The following ZCCHC14 variants were observed in gnomAD, a reference collection of about 807,000 sequenced individuals.
ZCCHC14 encodes the protein zinc finger CCHC domain-containing protein 14.
A neutral mutation model predicts 85.0 loss-of-function variants in ZCCHC14; 16 were observed. The ratio of observed to expected loss-of-function variants is 0.19; its 90% CI spans 0.13 to 0.29. The LOEUF (loss-of-function observed/expected upper bound fraction) is 0.29, where lower values mean the gene tolerates loss of function less well. Among genes scored for constraint, ZCCHC14 ranks in the 10% least tolerant of loss-of-function variants. The pLI is 1.00. For missense variants in ZCCHC14, 1,303 were observed against 1,443.5 expected (o/e 0.90, Z 1.58); for synonymous variants, 775 against 630.7 (o/e 1.23, Z -3.43).
chr16:87,431,467 T>C (rs1332157285), intron 3 of ZCCHC14, among the ~76,000 whole-genome samples: 9 of 134,608 alleles, frequency 6.7e-5, no homozygotes, highest in African/African-American at 2.7e-4. Flanking sequence ...AGCAAGGCTC[T>C]GTCTGAAAAA....
At chr16:87,415,552 C>T (rs367586448) in intron 8 of ZCCHC14, among the ~76,000 whole-genome samples, 185 bp from the exon 9 acceptor site, 6 of 152,212 alleles carry the variant, frequency 3.9e-5, no homozygotes, top group African/African-American at 1.4e-4. Flanking sequence ...TTGGTGTCAA[C>T]GGTTCAACTC....
chr16:87,434,990 C>CA (rs35789742), intron 2 of ZCCHC14, among the ~76,000 whole-genome samples: 25 of 74,348 alleles, frequency 3.4e-4, no homozygotes, highest in East Asian at 2.9e-3. Context: ...GACTTCGCCT[C>CA]AAAAAAAAAA....
intron 7 of ZCCHC14, 39 bp from the exon 8 acceptor site, chr16:87,417,781 G>T: frequency 6.6e-7 from 1 of 1,525,744 alleles, no homozygotes; most frequent in South Asian, 1.3e-5. Flanking sequence ...AGAGACTGTG[G>T]CTTCCACAAC....
intron 1 of ZCCHC14, among the ~76,000 whole-genome samples, chr16:87,484,687 A>C (rs1019715723): frequency 6.6e-6 from 1 of 152,158 alleles, no homozygotes; most frequent in African/African-American, 2.4e-5. Flanking sequence ...CTGCTCAGGG[A>C]GGCCTCAGTG....
intron 2 of ZCCHC14, among the ~76,000 whole-genome samples, chr16:87,453,152 T>G (rs1910786570): frequency 6.6e-6 from 1 of 152,030 alleles, no homozygotes; most frequent in Non-Finnish European, 1.5e-5. Flanking sequence ...AGGAAGGGGG[T>G]GCTCCTGGGG....
chr16:87,478,526 T>G (rs145882625), intron 1 of ZCCHC14, among the ~76,000 whole-genome samples: 2,537 of 152,298 alleles, frequency 0.017, 25 homozygotes, highest in Middle Eastern at 0.048. Context: ...TATCTATTTG[T>G]GTCCGGGTAG....
Position 87,417,732 on chromosome 16 carries a change from C to A in ZCCHC14, c.1111G>T (p.Gly371Ter). Residue 371 changes from glycine (G) to a stop codon, truncating the protein, a stop_gained, in exon 8 of 13, where the codon GGA becomes TGA. Coordinates refer to ENST00000671377, the MANE Select transcript of ZCCHC14 (RefSeq NM_015144.3). LOFTEE classifies it high-confidence loss of function. ...VMGVSGRPVC[G>*]VAGIPSSQSG... is the part of the protein sequence containing the mutation. ...TGCGAGGACGGGATACCAGCCACTC[C>A]ACACACAGGCCTGTGGGACAGGGGC... 1 of 1,594,380 alleles carries A rather than the reference C, an allele frequency of 6.3e-7. No homozygotes were observed. The highest frequency in any genetic ancestry group is 8.5e-7 in the Non-Finnish European group (1 of 1,171,940).
chr16:87,415,318 A>G lies in ZCCHC14; in HGVS notation c.1433T>C (p.Met478Thr). 6.2e-7 allele frequency: 1 copy of G among 1,613,978 alleles called. No homozygotes were observed. Among genetic ancestry groups the G allele is most frequent in the Non-Finnish European group, 8.5e-7 (1 of 1,179,984 alleles). The change falls in exon 9 of 13, where the codon ATG (methionine) becomes ACG (threonine). Residue 478 changes from methionine to threonine, a missense_variant. Physicochemically the swap from Met to Thr is moderately conservative, Grantham distance 81. Transcript: ENST00000671377. The part of the protein sequence containing the change: ...EDLNKFESLT[M>T]GAKKKLKTQL... ...GGTCTTGAGCTTCTTCTTTGCCCCC[A>G]TGGTAAGAGACTCAAATTTATTCAG...
In ZCCHC14 at chr16:87,411,891, C is replaced by T. The variant is rs1309191284; in HGVS notation, c.2830G>A (p.Ala944Thr). 18 of 1,596,934 alleles carry T rather than the reference C, an allele frequency of 1.1e-5. No homozygotes were observed. The highest frequency in any genetic ancestry group is 5.6e-5 in the South Asian group (5 of 89,334). The change falls in exon 12 of 13, where the codon GCC becomes ACC. Residue 944 changes from alanine (A) to threonine (T), a missense_variant. Ala to Thr is a moderately conservative substitution (Grantham distance 58, BLOSUM62 0). Coordinates refer to ENST00000671377, the MANE Select transcript of ZCCHC14 (RefSeq NM_015144.3). ...CGSSGLTVSY[A>T]NYFQHPFSGP... ...GAGAACGGGTGCTGGAAGTAGTTGG[C>T]GTAGCTGACAGTCAGGCCACTCGAG...
intron 1 of ZCCHC14, among the ~76,000 whole-genome samples, chr16:87,462,509 G>A (rs1461684551): frequency 2.0e-5 from 3 of 152,122 alleles, no homozygotes; most frequent in African/African-American, 7.2e-5. Flanking sequence ...GGGAGGCCGA[G>A]GCAGGTGGAT....
intron 1 of ZCCHC14, among the ~76,000 whole-genome samples, chr16:87,461,298 C>T (rs1006231859): frequency 6.6e-6 from 1 of 152,248 alleles, no homozygotes; most frequent in African/African-American, 2.4e-5. Context: ...CAATAACCTT[C>T]ATTCCCTCCC....
intron 8 of ZCCHC14, among the ~76,000 whole-genome samples, chr16:87,416,123 A>C (rs1412846889): frequency 6.6e-6 from 1 of 151,884 alleles, no homozygotes; most frequent in Non-Finnish European, 1.5e-5. Context: ...ACGGGGTTTC[A>C]CCATCTTGGC....
chr16:87,483,137 T>C (rs1313817522), intron 1 of ZCCHC14, among the ~76,000 whole-genome samples: 3 of 150,980 alleles, frequency 2.0e-5, no homozygotes, highest in Non-Finnish European at 4.4e-5. Flanking sequence ...CTAAAGACAA[T>C]GCCTTGAAAC....
intron 1 of ZCCHC14, among the ~76,000 whole-genome samples, chr16:87,475,611 G>C (rs1055220307): frequency 7.1e-6 from 1 of 140,136 alleles, no homozygotes; most frequent in Non-Finnish European, 1.5e-5. Context: ...ATTTCTAAAC[G>C]AAGAAAAATC....
chr16:87,460,607 T>C (rs997694301), intron 1 of ZCCHC14, among the ~76,000 whole-genome samples: 1 of 152,068 alleles, frequency 6.6e-6, no homozygotes, highest in Non-Finnish European at 1.5e-5. Flanking sequence ...GGAGGATCAC[T>C]TGAACCCAGG....
rs568466701 is a variant in ZCCHC14 at position 87,431,348 on chromosome 16, C to T, written c.768+1780G>A. On this transcript the variant is annotated intron_variant, in intron 3 of 12. Transcript: ENST00000671377. Reference sequence around the variant, plus strand: ...ATTAGCTGGGCATGGTGGCGGGCACCTGTAGTCCCAGCTACTCAGGAGGCT... The same window carrying T: ...ATTAGCTGGGCATGGTGGCGGGCACTTGTAGTCCCAGCTACTCAGGAGGCT... 4.6e-5 allele frequency among the ~76,000 whole-genome samples: 7 copies of T among 151,670 alleles called. No homozygotes were observed. In the South Asian group the frequency reaches 1.5e-3, roughly 32 times the overall value.
intron 3 of ZCCHC14, among the ~76,000 whole-genome samples, chr16:87,430,763 C>T (rs1030425273): frequency 1.3e-5 from 2 of 150,494 alleles, no homozygotes; most frequent in African/African-American, 4.9e-5. Flanking sequence ...CCCAAGTGAT[C>T]CACCCACCTT....
intron 2 of ZCCHC14, among the ~76,000 whole-genome samples, 170 bp from the exon 3 acceptor site, chr16:87,433,371 C>A (rs931999580): frequency 6.6e-6 from 1 of 152,142 alleles, no homozygotes; most frequent in Non-Finnish European, 1.5e-5. Flanking sequence ...GGAAGGCGGG[C>A]GGCAGCACCA....
At chr16:87,448,622 G>C (rs1224251185) in intron 2 of ZCCHC14, among the ~76,000 whole-genome samples, 1 of 152,174 alleles carries the variant, frequency 6.6e-6, no homozygotes, top group Non-Finnish European at 1.5e-5. Flanking sequence ...ACTACTGAAT[G>C]TTTTGCTCTG....
Sources: allele counts gnomAD v4.1 joint callset (sites outside exome capture counted in the v4.1 genomes callset), GRCh38; gene constraint gnomAD v4.1.1; transcripts MANE v1.5; gene names NCBI Gene and HGNC (gene_info 2026-07-23, HGNC 2026-07-21).